The following WWOX variants were observed in gnomAD, a reference collection of about 807,000 sequenced individuals.
The protein encoded by WWOX is WW domain containing oxidoreductase, also known as WW domain-containing oxidoreductase.
A neutral mutation model predicts 46.2 loss-of-function variants in WWOX; 69 were observed. The ratio of observed to expected loss-of-function variants is 1.49; its 90% confidence interval spans 1.23 to 1.82. The LOEUF (loss-of-function observed/expected upper bound fraction) is 1.82, where lower values mean the gene tolerates loss of function less well. WWOX is among the 40% of genes most tolerant of loss of function. The pLI, the probability that WWOX is intolerant of heterozygous loss-of-function variation, is 0.00. For synonymous variants in WWOX, 359 were observed against 202.6 expected, an observed-to-expected ratio of 1.77 and a Z score of -6.56; for missense variants, 919 against 542.6, an observed-to-expected ratio of 1.69 and a Z score of -6.89.
At chr16:78,677,127 A>G (rs988060311) in intron 8 of WWOX, among the ~76,000 whole-genome samples, 10 of 151,910 alleles carry the variant, frequency 6.6e-5, no homozygotes, top group Admixed American at 2.0e-4. Context: ...GCATCTACAC[A>G]TAAGGACACA....
intron 8 of WWOX, among the ~76,000 whole-genome samples, chr16:78,433,567 C>T (rs186401600): frequency 6.6e-6 from 1 of 152,184 alleles, no homozygotes; most frequent in East Asian, 1.9e-4. Flanking sequence ...CAGAAATCAC[C>T]CTTTTCCCAA....
At chr16:78,552,335 C>T (rs757321620) in intron 8 of WWOX, 20 of 152,186 alleles carry the variant, frequency 1.3e-4, no homozygotes, top group Non-Finnish European at 1.8e-4. Flanking sequence ...GGGGAGAAGG[C>T]GCATCTGCCC....
intron 8 of WWOX, among the ~76,000 whole-genome samples, chr16:79,073,971 C>T (rs1245777613): frequency 6.6e-6 from 1 of 150,522 alleles, no homozygotes; most frequent in African/African-American, 2.4e-5. Context: ...GGAGGGTACC[C>T]TTCACAAAGT....
At chr16:79,025,917 C>T (rs1220280696) in intron 8 of WWOX, among the ~76,000 whole-genome samples, 5 of 146,690 alleles carry the variant, frequency 3.4e-5, no homozygotes, top group African/African-American at 1.1e-4. Flanking sequence ...TCCTGCCTCA[C>T]CCTCCCGAGT....
At chr16:79,125,358 C>A (rs745548191) in intron 8 of WWOX, among the ~76,000 whole-genome samples, 1 of 152,170 alleles carries the variant, frequency 6.6e-6, no homozygotes, top group Non-Finnish European at 1.5e-5. Context: ...CGTCCAATAG[C>A]ATGGGAAAGT....
At chr16:78,443,053 G>A (rs994630043) in intron 8 of WWOX, among the ~76,000 whole-genome samples, 5 of 150,066 alleles carry the variant, frequency 3.3e-5, no homozygotes, top group South Asian at 2.1e-4. Flanking sequence ...GGAGAATGGC[G>A]TGAACCCGGG....
chr16:78,335,981 A>C (rs997261174), intron 5 of WWOX, among the ~76,000 whole-genome samples: 11 of 152,078 alleles, frequency 7.2e-5, no homozygotes, highest in African/African-American at 2.4e-4. Flanking sequence ...AGTCCCAGCT[A>C]TTTGGAAGGC....
chr16:79,034,454 T>G (rs544029336), intron 8 of WWOX, among the ~76,000 whole-genome samples: 78 of 152,334 alleles, frequency 5.1e-4, no homozygotes, highest in African/African-American at 1.7e-3. Context: ...GGCCCTCAAT[T>G]TTCTTAAACA....
intron 8 of WWOX, among the ~76,000 whole-genome samples, chr16:78,566,184 G>A (rs879663631): frequency 5.9e-5 from 9 of 151,988 alleles, no homozygotes; most frequent in Admixed American, 1.3e-4. Context: ...TAATCCCATC[G>A]TACCCCGTCC....
intron 8 of WWOX, among the ~76,000 whole-genome samples, chr16:78,970,875 C>G (rs1185625418): frequency 1.3e-5 from 2 of 151,970 alleles, no homozygotes; most frequent in Admixed American, 6.6e-5. Flanking sequence ...TCCAGGGGCT[C>G]AAAAATATAA....
intron 8 of WWOX, among the ~76,000 whole-genome samples, chr16:78,832,967 C>T (rs1243825933): frequency 6.6e-6 from 1 of 151,790 alleles, no homozygotes; most frequent in Non-Finnish European, 1.5e-5. Flanking sequence ...GCTATGTCCC[C>T]ATTGGTGTTA....
intron 8 of WWOX, among the ~76,000 whole-genome samples, chr16:78,725,861 C>T (rs759633871): frequency 1.3e-5 from 2 of 152,000 alleles, no homozygotes; most frequent in East Asian, 1.9e-4. Context: ...CTCCAATCTG[C>T]CTTTGTCGCT....
intron 8 of WWOX, among the ~76,000 whole-genome samples, chr16:78,562,986 CTT>C (rs34502877): frequency 2.0e-4 from 30 of 147,154 alleles, no homozygotes; most frequent in Admixed American, 3.4e-4. Flanking sequence ...TACAGATGTT[CTT>C]TTTTTTTTTT....
At chr16:78,991,667 C>T (rs961099574) in intron 8 of WWOX, among the ~76,000 whole-genome samples, 1 of 148,778 alleles carries the variant, frequency 6.7e-6, no homozygotes, top group Non-Finnish European at 1.5e-5. Context: ...CTTGTTTTCA[C>T]TCCCTCAGAA....
chr16:78,791,560 G>T (rs1430414368), intron 8 of WWOX, among the ~76,000 whole-genome samples: 1 of 152,054 alleles, frequency 6.6e-6, no homozygotes, highest in Non-Finnish European at 1.5e-5. Context: ...ACCTTCGCAG[G>T]CCATCTGAAG....
At chr16:78,240,494 C>T (rs913799458) in intron 5 of WWOX, among the ~76,000 whole-genome samples, 1 of 152,124 alleles carries the variant, frequency 6.6e-6, no homozygotes, top group East Asian at 1.9e-4. Context: ...CAAGGAGTCA[C>T]CCCTGCCAAC....
chr16:78,802,927 AAAAAAAAAAAAAAAACAAC>A lies in WWOX; in HGVS notation c.1056+370179_1056+370197del, dbSNP rs1240534254. 4.3e-4 allele frequency among the ~76,000 whole-genome samples: 48 copies of A among 111,690 alleles called. 3 individuals carry two copies. Among genetic ancestry groups the A allele is most frequent in the African/African-American group, 1.1e-3 (31 of 28,414 alleles). The allele number at this position is 111,690 out of a possible 152,430, so 73.3% of individuals were successfully genotyped here. ...CAAGACTTCATCTGAAAAAAAAAAA[AAAAAAAAAAAAAAAACAAC>A]AAACAGAAAAATGAACGAGTGAGTG... On this transcript the variant is annotated intron_variant, in intron 8 of 8. Transcript: ENST00000566780.
chr16:78,892,831 A>T (rs2044620367), intron 8 of WWOX, among the ~76,000 whole-genome samples: 1 of 152,182 alleles, frequency 6.6e-6, no homozygotes, highest in African/African-American at 2.4e-5. Flanking sequence ...CTGCTGATCC[A>T]ATTGGATTAA....
At chr16:78,399,933 C>T (rs1045632101) in intron 6 of WWOX, among the ~76,000 whole-genome samples, 1 of 152,142 alleles carries the variant, frequency 6.6e-6, no homozygotes, top group African/African-American at 2.4e-5. Flanking sequence ...TTGAATAAAT[C>T]AGCGGTGCTA....
Sources: gnomAD v4.1 joint callset for allele counts (sites outside exome capture counted in the v4.1 genomes callset) on GRCh38, gnomAD v4.1.1 for gene constraint, MANE v1.5 for transcripts, NCBI Gene and HGNC (gene_info 2026-07-23, HGNC 2026-07-21) for gene names.